RGS12: variants seen among roughly 807,000 people sequenced by gnomAD.
RGS12 encodes the protein regulator of G-protein signaling 12.
In RGS12, 66 loss-of-function variants were observed where a neutral mutation model predicts 120.1. The observed-to-expected ratio is 0.55, with a 90% CI of 0.45 to 0.67. RGS12 has a LOEUF of 0.67. Among genes scored for constraint, RGS12 ranks in the 30% least tolerant of loss-of-function variants. The pLI, the probability that RGS12 is intolerant of heterozygous loss-of-function variation, is 0.00. For missense variants in RGS12, 1,859 were observed against 1,957.7 expected, an observed-to-expected ratio of 0.95 and a Z score of 0.95; for synonymous variants, 827 against 804.7, an observed-to-expected ratio of 1.03 and a Z score of -0.47.
At chr4:3,413,881 T>C in intron 4 of RGS12, 191 bp from the exon 5 acceptor site, 1 of 589,012 alleles carries the variant, frequency 1.7e-6, no homozygotes. Context: ...CTGTGTTTTG[T>C]TCCCTGCTCC....
chr4:3,420,001 T>A (rs1410570831), intron 9 of RGS12, among the ~76,000 whole-genome samples: 1 of 152,170 alleles, frequency 6.6e-6, no homozygotes, highest in East Asian at 1.9e-4. Flanking sequence ...CCAGAGCCCA[T>A]GTGCAGCGGT....
chr4:3,394,971 C>T (rs1002911004), intron 4 of RGS12, among the ~76,000 whole-genome samples: 2 of 152,052 alleles, frequency 1.3e-5, no homozygotes, highest in African/African-American at 4.8e-5. Context: ...GAGTTCAAGA[C>T]CAGCCTGGCC....
Position 3,430,753 on chromosome 4 carries a change from C to T in RGS12, c.3912C>T (p.Ser1304=), listed in dbSNP as rs1560179750. The T allele has an allele frequency of 1.2e-6, 2 of 1,608,234 alleles. No individual in the cohort carries two copies. Among genetic ancestry groups the T allele is most frequent in the Admixed American group, 3.3e-5 (2 of 59,716 alleles). The change falls in exon 17 of 18, where the codon TCC becomes TCT. Residue 1304 remains serine, a synonymous_variant. Coordinates refer to ENST00000336727, the MANE Select transcript of RGS12 (RefSeq NM_001394154.1). The part of the protein sequence containing the change: ...SPSGPFCTPQ[S]PVSLAQEGTA... ...GCGGGCCCTTCTGCACTCCCCAGTC[C>T]CCCGTCTCCCTCGCGCAGGAGGGCA... is the stretch of plus-strand genomic sequence containing the variant.
intron 2 of RGS12, 133 bp downstream of exon 2, chr4:3,318,184 A>G: frequency 1.3e-6 from 1 of 781,576 alleles, no homozygotes; most frequent in Non-Finnish European, 2.1e-6. Flanking sequence ...TGTGGCCATC[A>G]CAGGGTGTCT....
At chr4:3,296,598 A>G (rs1009220523) in intron 1 of RGS12, among the ~76,000 whole-genome samples, 8 of 152,310 alleles carry the variant, frequency 5.3e-5, no homozygotes, top group South Asian at 2.1e-4. Flanking sequence ...TCACAGTCCC[A>G]GGGATTAGGG....
At chr4:3,386,565 G>A (rs1421282621) in intron 4 of RGS12, 128 bp downstream of exon 4, 5 of 811,372 alleles carry the variant, frequency 6.2e-6, no homozygotes, top group Admixed American at 4.4e-5. Flanking sequence ...CCTTGTGGGC[G>A]GGTTCTAGGT....
intron 1 of RGS12, chr4:3,314,253 G>A (rs1724592295): frequency 6.6e-6 from 1 of 152,000 alleles, no homozygotes; most frequent in Non-Finnish European, 1.5e-5. Flanking sequence ...GAGTCACCTA[G>A]TAATAGCCTT....
chr4:3,398,414 C>G (rs1720261050), intron 4 of RGS12, among the ~76,000 whole-genome samples: 2 of 152,158 alleles, frequency 1.3e-5, no homozygotes, highest in Non-Finnish European at 2.9e-5. Flanking sequence ...AGGAGGCTCA[C>G]TTGAGGCCAA....
Position 3,439,624 on chromosome 4 carries a change from C to A in RGS12, c.4284C>A (p.Gly1428=). The change falls in exon 18 of 18, where the codon GGC becomes GGA. Residue 1428 remains glycine (G), a synonymous_variant. Coordinates refer to ENST00000336727, the MANE Select transcript of RGS12 (RefSeq NM_001394154.1). The part of the protein sequence containing the change: ...GPPTSDLPGL[G]PVPGEPAKPK... ...CTACATCAGACCTCCCTGGCTTGGG[C>A]CCCGTCCCGGGTGAGCCTGCTAAGC... 6.2e-7 allele frequency: 1 copy of A among 1,600,004 alleles called. No individual in the cohort carries two copies. The highest frequency in any genetic ancestry group is 2.2e-5 in the East Asian group (1 of 44,658).
At chr4:3,378,178 A>G (rs1717893549) in intron 3 of RGS12, 1 of 152,206 alleles carries the variant, frequency 6.6e-6, no homozygotes, top group Non-Finnish European at 1.5e-5. Flanking sequence ...AGTGGTCCAC[A>G]TGTGCCAGGA....
Position 3,317,314 on chromosome 4 carries a change from G to A in RGS12, c.1144G>A (p.Val382Ile), listed in dbSNP as rs371704475. 82 of 1,614,094 alleles carry A rather than the reference G, an allele frequency of 5.1e-5. No homozygotes were observed. In the African/African-American group the frequency reaches 5.3e-4, roughly 10 times the overall value. The change falls in exon 2 of 18, where the codon GTC (valine) becomes ATC (isoleucine). Residue 382 changes from valine to isoleucine, a missense_variant. Physicochemically the swap from Val to Ile is conservative, Grantham distance 29 (BLOSUM62 3). Coordinates refer to ENST00000336727, the MANE Select transcript of RGS12 (RefSeq NM_001394154.1). ...GGAATTCCCGGCGTCCTCCCTCCCC[G>A]TCCTGCAGTTCATCTCTGTCCTGTA... The part of the protein sequence containing the change: ...CLEFPASSLP[V>I]LQFISVLYRD...
At chr4:3,305,408 T>A (rs930385813) in intron 1 of RGS12, among the ~76,000 whole-genome samples, 6 of 151,788 alleles carry the variant, frequency 4.0e-5, no homozygotes, top group African/African-American at 1.5e-4. Context: ...CAAAATACAC[T>A]CCCCGCAAGG....
At position 3,400,041 on chromosome 4, in the gene RGS12, A is replaced by G. The variant is rs193119731; in HGVS notation, c.2020+13604A>G. Among the ~76,000 whole-genome samples, 779 of 152,330 alleles carry G rather than the reference A, an allele frequency of 5.1e-3. 3 individuals are homozygous for G. The highest frequency in any genetic ancestry group is 8.8e-3 in the Admixed American group (135 of 15,310). On this transcript the variant is annotated intron_variant, in intron 4 of 17. Transcript: ENST00000336727. The stretch of plus-strand genomic sequence containing the variant: ...CACATGGTTTGCCTGACGTCAGTAC[A>G]CAGGGCTTGAATGATCTTCCACAAG...
intron 17 of RGS12, among the ~76,000 whole-genome samples, chr4:3,432,835 G>A (rs193097529): frequency 6.6e-6 from 1 of 152,342 alleles, no homozygotes; most frequent in Non-Finnish European, 1.5e-5. Flanking sequence ...CAGTGAGTGG[G>A]AGAAGGAGGT....
chr4:3,316,875 A>C lies in RGS12; in HGVS notation c.705A>C (p.Leu235Phe). ...ILNVAMIVGYLGSIELPSTSS... is the reference protein window; with the variant it reads ...ILNVAMIVGYFGSIELPSTSS... ...ACGTGGCGATGATCGTGGGCTACTT[A>C]GGCTCCATTGAGCTTCCTTCCACGA... Residue 235 changes from leucine to phenylalanine, a missense_variant, in exon 2 of 18, where the codon TTA (leucine) becomes TTC (phenylalanine). Leu to Phe is a conservative substitution (Grantham distance 22). This residue lies in a region of RGS12 where 967 missense variants were observed against 994.2 expected (regional missense o/e 0.97). Coordinates refer to ENST00000336727, the MANE Select transcript of RGS12 (RefSeq NM_001394154.1). The C allele has an allele frequency of 6.2e-7, 1 of 1,614,140 alleles. No individual in the cohort carries two copies. Among genetic ancestry groups the C allele is most frequent in the South Asian group, 1.1e-5 (1 of 91,092 alleles).
rs568600103 is a variant in RGS12 at position 3,365,077 on chromosome 4, G to C, written c.1999-21339G>C. Among the ~76,000 whole-genome samples, 1 of 152,100 alleles carries C rather than the reference G, an allele frequency of 6.6e-6. No homozygotes were observed. The highest frequency in any genetic ancestry group is 2.4e-5 in the African/African-American group (1 of 41,398). On this transcript the variant is annotated intron_variant, in intron 3 of 17. Transcript: ENST00000336727. The surrounding 1 kb of genome is among the most constrained non-coding windows in gnomAD (Gnocchi z 4.0). ...GGTGACAGGAGGATGAGGTGACGGC[G>C]GTTTGCAGGTTCCCCGGGAGCTGTT...
chr4:3,375,999 C>G (rs1268961128), intron 3 of RGS12, among the ~76,000 whole-genome samples: 9 of 152,278 alleles, frequency 5.9e-5, no homozygotes, highest in East Asian at 1.9e-4. Flanking sequence ...AGGGCAAAGG[C>G]CTGTGTGGTG....
chr4:3,362,687 G>C (rs1413554073), intron 3 of RGS12, among the ~76,000 whole-genome samples: 1 of 146,132 alleles, frequency 6.8e-6, no homozygotes, highest in East Asian at 2.1e-4. Context: ...GGGTGAGGGT[G>C]TGTGTGAGGG....
chr4:3,291,784 G>A (rs937856821), upstream of RGS12, among the ~76,000 whole-genome samples: 1 of 152,158 alleles, frequency 6.6e-6, no homozygotes, highest in Non-Finnish European at 1.5e-5. Flanking sequence ...AGCCCTGCAG[G>A]TGAAAACAGT....
Sources: gnomAD v4.1 joint callset for allele counts (sites outside exome capture counted in the v4.1 genomes callset) on GRCh38, gnomAD v4.1.1 for gene constraint, gnomAD v4.1.1 regional missense constraint, Gnocchi (gnomAD v3.1) non-coding constraint, MANE v1.5 for transcripts, NCBI Gene and HGNC (gene_info 2026-07-23, HGNC 2026-07-21) for gene names.